NAALADL2: variants seen among roughly 807,000 people sequenced by gnomAD.
The protein encoded by NAALADL2 is inactive N-acetylated-alpha-linked acidic dipeptidase-like protein 2.
In NAALADL2, 76 loss-of-function variants were observed where a neutral mutation model predicts 87.2. The observed-to-expected ratio is 0.87, with a 90% CI of 0.72 to 1.05. The LOEUF is 1.05. Among genes scored for constraint, NAALADL2 ranks in the 50% least tolerant of loss-of-function variants. NAALADL2 has a pLI of 0.00. For synonymous variants in NAALADL2, 354 were observed against 331.0 expected (o/e 1.07, Z -0.75); for missense variants, 1,089 against 945.8 (o/e 1.15, Z -1.99).
At chr3:175,097,543 C>T (rs1341448093) in intron 2 of NAALADL2, among the ~76,000 whole-genome samples, 2 of 152,174 alleles carry the variant, frequency 1.3e-5, no homozygotes, top group South Asian at 4.2e-4. Flanking sequence ...CTAAAATTCT[C>T]CAGCCACTGT....
chr3:175,039,849 G>GT (rs1283442571), intron 1 of NAALADL2, among the ~76,000 whole-genome samples: 5 of 151,844 alleles, frequency 3.3e-5, no homozygotes, highest in Admixed American at 2.0e-4. Context: ...GTAGCTTCTT[G>GT]TTTTTTTTAT....
intron 9 of NAALADL2, among the ~76,000 whole-genome samples, chr3:175,564,273 T>A (rs1020054696): frequency 3.7e-4 from 57 of 152,198 alleles, no homozygotes; most frequent in African/African-American, 1.4e-3. Context: ...ATCTAGTGAA[T>A]GATGCTAATA....
chr3:175,603,665 T>A (rs979384185), intron 10 of NAALADL2, among the ~76,000 whole-genome samples: 2 of 152,234 alleles, frequency 1.3e-5, no homozygotes, highest in Non-Finnish European at 2.9e-5. Flanking sequence ...CTTTTTAAGG[T>A]TGAATAGTAT....
intron 2 of NAALADL2, among the ~76,000 whole-genome samples, chr3:174,682,567 G>A (rs1241941064): frequency 6.6e-6 from 1 of 152,178 alleles, no homozygotes; most frequent in Non-Finnish European, 1.5e-5. Context: ...GAGACTGTTT[G>A]GGAGAAAGTA....
chr3:175,222,611 A>G (rs971758349), intron 2 of NAALADL2, among the ~76,000 whole-genome samples: 6 of 152,182 alleles, frequency 3.9e-5, no homozygotes, highest in Non-Finnish European at 7.3e-5. Flanking sequence ...TACAGGAAAC[A>G]TGAAATGGAG....
intron 1 of NAALADL2, among the ~76,000 whole-genome samples, chr3:174,997,982 C>T (rs575137248): frequency 2.6e-5 from 4 of 152,246 alleles, no homozygotes; most frequent in African/African-American, 4.8e-5. Context: ...AGATTTCCTT[C>T]GTGTTTTTTA....
At chr3:174,594,582 C>T (rs1717693571) in intron 2 of NAALADL2, among the ~76,000 whole-genome samples, 1 of 152,108 alleles carries the variant, frequency 6.6e-6, no homozygotes, top group Admixed American at 6.5e-5. Flanking sequence ...GCTCTGAGTG[C>T]TCTTATGCTA....
intron 3 of NAALADL2, among the ~76,000 whole-genome samples, chr3:174,758,225 C>G (rs1291661631): frequency 1.3e-5 from 2 of 152,150 alleles, no homozygotes; most frequent in South Asian, 4.1e-4. Flanking sequence ...TATTTTCTTT[C>G]TTTCTAGGTA....
At chr3:174,655,976 A>G (rs1724877875) in intron 2 of NAALADL2, among the ~76,000 whole-genome samples, 1 of 152,214 alleles carries the variant, frequency 6.6e-6, no homozygotes, top group Non-Finnish European at 1.5e-5. Context: ...CTATTTATGT[A>G]TCACTTCAAG....
chr3:175,657,226 C>T (rs1731592666), intron 11 of NAALADL2, among the ~76,000 whole-genome samples: 1 of 151,990 alleles, frequency 6.6e-6, no homozygotes, highest in South Asian at 2.1e-4. Context: ...AAGAACGTTG[C>T]TTGTATGAAT....
intron 3 of NAALADL2, among the ~76,000 whole-genome samples, chr3:174,852,036 G>A (rs551327144): frequency 1.3e-5 from 2 of 152,150 alleles, no homozygotes; most frequent in East Asian, 1.9e-4. Context: ...ATACCTTCAT[G>A]AGAAAAACTC....
chr3:174,604,736 C>T (rs1025557325), intron 2 of NAALADL2, among the ~76,000 whole-genome samples: 1 of 150,886 alleles, frequency 6.6e-6, no homozygotes, highest in Non-Finnish European at 1.5e-5. Flanking sequence ...TTTGTGTCTC[C>T]ACTGTATGTT....
At chr3:175,336,438 C>T (rs141294949) in intron 5 of NAALADL2, among the ~76,000 whole-genome samples, 98 of 152,244 alleles carry the variant, frequency 6.4e-4, no homozygotes, top group Middle Eastern at 3.4e-3. Flanking sequence ...CTTCCTGCTA[C>T]GAATCCTTCT....
chr3:175,715,549 T>G (rs530818114), intron 11 of NAALADL2, among the ~76,000 whole-genome samples: 3 of 152,082 alleles, frequency 2.0e-5, no homozygotes, highest in Non-Finnish European at 1.5e-5. Context: ...CAAAGAATGT[T>G]AGGACGTCAA....
chr3:175,049,716 C>A (rs754227742), intron 1 of NAALADL2, among the ~76,000 whole-genome samples: 1 of 152,166 alleles, frequency 6.6e-6, no homozygotes. Context: ...TCTCTCTGTA[C>A]CTCATTAACC....
At chr3:175,725,896 T>C (rs1742855236) in intron 11 of NAALADL2, among the ~76,000 whole-genome samples, 1 of 152,196 alleles carries the variant, frequency 6.6e-6, no homozygotes, top group Non-Finnish European at 1.5e-5. Flanking sequence ...GTTATTATTA[T>C]TGATATCATG....
chr3:174,861,791 G>A (rs928661214), intron 1 of NAALADL2, among the ~76,000 whole-genome samples: 3 of 151,876 alleles, frequency 2.0e-5, no homozygotes, highest in East Asian at 1.9e-4. Flanking sequence ...TGCTTTTTCT[G>A]TACATCTCTG....
At chr3:175,298,856 A>C (rs1756685697) in intron 4 of NAALADL2, among the ~76,000 whole-genome samples, 1 of 152,116 alleles carries the variant, frequency 6.6e-6, no homozygotes, top group Non-Finnish European at 1.5e-5. Flanking sequence ...TGAGGTGCAA[A>C]TTGTTGTTTA....
chr3:175,794,983 C>T (rs1286921479), intron 13 of NAALADL2, among the ~76,000 whole-genome samples: 1 of 152,174 alleles, frequency 6.6e-6, no homozygotes, highest in East Asian at 1.9e-4. Context: ...TGCCTTCCTG[C>T]TGCATCCTCA....
Sources: allele counts gnomAD v4.1 joint callset (sites outside exome capture counted in the v4.1 genomes callset), GRCh38; gene constraint gnomAD v4.1.1; transcripts MANE v1.5; gene names NCBI Gene and HGNC (gene_info 2026-07-23, HGNC 2026-07-21).